The following TBC1D17 variants were observed in gnomAD, a reference collection of about 807,000 sequenced individuals.
TBC1D17 encodes TBC1 domain family member 17.
In TBC1D17, 69 loss-of-function variants were observed where a neutral mutation model predicts 78.8. The observed-to-expected ratio is 0.88, with a 90% confidence interval of 0.72 to 1.07. The LOEUF is 1.07. Ranked by LOEUF, TBC1D17 falls within the 50% of genes least tolerant of loss-of-function variation. The probability of loss-of-function intolerance (pLI) is 0.00; values close to 1 mark genes in which losing one functional copy is unlikely to be tolerated. For missense variants in TBC1D17, 957 were observed against 861.0 expected, an observed-to-expected ratio of 1.11 and a Z score of -1.39; for synonymous variants, 456 against 358.3, an observed-to-expected ratio of 1.27 and a Z score of -3.08.
In TBC1D17 at chr19:49,887,236, C is replaced by T. The variant is rs547141626; in HGVS notation, c.1445-240C>T. 5.7e-6 allele frequency: 3 copies of T among 523,800 alleles called. No individual in the cohort carries two copies. The South Asian group carries it at 6.0e-5, about 11-fold the overall frequency. 32.4% of individuals were successfully genotyped at this position (523,800 alleles called of 1,614,324 possible). ...CTGTTTCGTCGGGCGTGCTGGGCGT[C>T]CTGCCTCCCTTCCATGTCCATGGCA... is the stretch of plus-strand genomic sequence containing the variant. On this transcript the variant is annotated intron_variant, in intron 13 of 16. Coordinates refer to ENST00000221543, the MANE Select transcript of TBC1D17 (RefSeq NM_024682.3).
intron 7 of TBC1D17, among the ~76,000 whole-genome samples, 160 bp downstream of exon 7, chr19:49,882,560 CTG>C (rs2075024718): frequency 2.0e-5 from 3 of 152,258 alleles, no homozygotes; most frequent in Admixed American, 1.3e-4. Context: ...CTGCCAGACA[CTG>C]TGAGCACCTG....
intron 1 of TBC1D17, 187 bp from the exon 2 acceptor site, chr19:49,877,956 T>C (rs2074971616): frequency 6.0e-6 from 4 of 670,150 alleles, no homozygotes; most frequent in East Asian, 2.9e-5. Flanking sequence ...CCTTGAGCCC[T>C]GCCCCCTGTG....
intron 2 of TBC1D17, 84 bp downstream of exon 2, chr19:49,878,325 G>C: frequency 7.3e-7 from 1 of 1,372,720 alleles, no homozygotes; most frequent in South Asian, 1.3e-5. Flanking sequence ...GTAGGAGTTT[G>C]GTCTGGCGGT....
At chr19:49,884,211 C>G (rs2075039477) in intron 10 of TBC1D17, 42 bp from the exon 11 acceptor site, 2 of 1,582,408 alleles carry the variant, frequency 1.3e-6, no homozygotes, top group Non-Finnish European at 8.7e-7. Flanking sequence ...GATGGGCCCC[C>G]CTACCTTTCT....
Position 49,880,384 on chromosome 19 carries a change from C to T in TBC1D17, c.301C>T (p.His101Tyr). ...CAGCACTGTGCGGCCACAGCTCTGC[C>T]ACTCAGAGCCCACGAGAGGTAGGCT... ...VISTVRPQLC[H>Y]SEPTRGAEPS... The change falls in exon 4 of 17, where the codon CAC becomes TAC. Residue 101 changes from histidine to tyrosine, a missense_variant. Physicochemically the swap from His to Tyr is moderately conservative, Grantham distance 83. Coordinates refer to ENST00000221543, the MANE Select transcript of TBC1D17 (RefSeq NM_024682.3). The T allele has an allele frequency of 6.2e-7, 1 of 1,613,878 alleles. No individual in the cohort carries two copies. The highest frequency in any genetic ancestry group is 8.5e-7 in the Non-Finnish European group (1 of 1,179,926).
intron 1 of TBC1D17, 185 bp downstream of exon 1, chr19:49,877,929 C>T (rs2122412856): frequency 1.3e-6 from 1 of 797,666 alleles, no homozygotes; most frequent in East Asian, 2.8e-5. Flanking sequence ...GGCCCCGCCC[C>T]CCCGGCTCAG....
At chr19:49,882,690 C>T in intron 7 of TBC1D17, 74 bp from the exon 8 acceptor site, 1 of 1,454,394 alleles carries the variant, frequency 6.9e-7, no homozygotes, top group Admixed American at 2.8e-5. Context: ...GCTCTCTGAG[C>T]TTGTGGACTG....
At chr19:49,877,910 A>G (rs749391047) in intron 1 of TBC1D17, 166 bp downstream of exon 1, 40 of 877,902 alleles carry the variant, frequency 4.6e-5, no homozygotes, top group Non-Finnish European at 6.2e-5. Flanking sequence ...CCAGGGAAGA[A>G]CCTCCCATGG....
chr19:49,883,862 G>A (rs1294784892), intron 10 of TBC1D17, 117 bp downstream of exon 10: 3 of 834,270 alleles, frequency 3.6e-6, no homozygotes, highest in Non-Finnish European at 5.9e-6. Context: ...ACCAGTGAGA[G>A]GGCATCTTGG....
chr19:49,882,210 G>A lies in TBC1D17; in HGVS notation c.640-32G>A, dbSNP rs151329712. 466 of 1,612,708 alleles carry A rather than the reference G, an allele frequency of 2.9e-4. 3 individuals are homozygous for A. In the East Asian group the frequency reaches 8.8e-3, roughly 30 times the overall value. ...TGGGCAGGGAGGGACGAGAAGGGGC[G>A]GGCCGTGACCTCCCTTTGGCCTCGT... is the stretch of plus-strand genomic sequence containing the variant. On this transcript the variant is annotated intron_variant, in intron 6 of 16. Transcript: ENST00000221543.
intron 13 of TBC1D17, chr19:49,887,128 C>T: frequency 3.1e-6 from 1 of 325,676 alleles, no homozygotes; most frequent in Non-Finnish European, 5.8e-6. Flanking sequence ...TGCGCCATCG[C>T]ACCCGGCCTT....
chr19:49,884,893 T>C (rs2075046675), intron 13 of TBC1D17, 135 bp downstream of exon 13: 2 of 772,154 alleles, frequency 2.6e-6, no homozygotes, highest in South Asian at 1.7e-5. Context: ...CAACCTAGAA[T>C]GTAGAGGCAG....
At chr19:49,878,470 T>C (rs887589853) in intron 2 of TBC1D17, 28 bp from the exon 3 acceptor site, 3 of 1,606,858 alleles carry the variant, frequency 1.9e-6, no homozygotes, top group Non-Finnish European at 1.7e-6. Context: ...GGGGAGCGCC[T>C]CTAACCCCGC....
chr19:49,887,522 C>T lies in TBC1D17; in HGVS notation c.1491C>T (p.Leu497=), dbSNP rs377033724. The change falls in exon 14 of 17, where the codon CTC becomes CTT. Residue 497 remains leucine (L), a synonymous_variant. Transcript: ENST00000221543. ...TCTGCTTCTGTTTCCGGTGGCTGCTCATCTGGTTCAAGAGGGAATTCCCCT... is the reference window on the plus strand; with the variant it reads ...TCTGCTTCTGTTTCCGGTGGCTGCTTATCTGGTTCAAGAGGGAATTCCCCT... ...GSLCFCFRWL[L]IWFKREFPFP... The T allele has an allele frequency of 2.7e-5, 44 of 1,614,050 alleles. No individual in the cohort carries two copies. In the South Asian group the frequency reaches 4.2e-4, roughly 15 times the overall value.
intron 7 of TBC1D17, among the ~76,000 whole-genome samples, 170 bp downstream of exon 7, chr19:49,882,570 C>T (rs575263385): frequency 2.0e-5 from 3 of 152,228 alleles, no homozygotes; most frequent in Non-Finnish European, 4.4e-5. Flanking sequence ...CTGTGAGCAC[C>T]TGCTCACCCT....
At chr19:49,887,187 C>A (rs561644725) in intron 13 of TBC1D17, 1 of 436,984 alleles carries the variant, frequency 2.3e-6, no homozygotes, top group Non-Finnish European at 4.3e-6. Context: ...GTTCCCTTAG[C>A]GCTCACCAGC....
chr19:49,878,400 T>C, intron 2 of TBC1D17, 98 bp from the exon 3 acceptor site: 1 of 1,351,634 alleles, frequency 7.4e-7, no homozygotes, highest in Non-Finnish European at 1.1e-6. Context: ...TTTGAAAGGC[T>C]GAGGGTAGAA....
intron 7 of TBC1D17, 82 bp from the exon 8 acceptor site, chr19:49,882,682 T>C: frequency 6.9e-7 from 1 of 1,445,604 alleles, no homozygotes. Flanking sequence ...GCTAATAAGC[T>C]CTCTGAGCTT....
At chr19:49,880,610 C>G (rs1045601313) in intron 4 of TBC1D17, among the ~76,000 whole-genome samples, 1 of 152,252 alleles carries the variant, frequency 6.6e-6, no homozygotes, top group Non-Finnish European at 1.5e-5. Context: ...AGACTGCAGC[C>G]TTGCTCATCC....
Sources: allele counts gnomAD v4.1 joint callset (sites outside exome capture counted in the v4.1 genomes callset), GRCh38; gene constraint gnomAD v4.1.1; transcripts MANE v1.5; gene names NCBI Gene and HGNC (gene_info 2026-07-23, HGNC 2026-07-21).